ACO2: variants seen among roughly 807,000 people sequenced by gnomAD.
The protein encoded by ACO2 is aconitate hydratase, mitochondrial.
ACO2 carries 31 observed loss-of-function variants against 84.5 expected under a neutral mutation model. That is an observed-to-expected ratio of 0.37 (90% CI 0.28 to 0.50). The LOEUF (loss-of-function observed/expected upper bound fraction) is 0.50, where lower values mean the gene tolerates loss of function less well. ACO2 is among the 20% of genes least tolerant of loss of function. The probability of loss-of-function intolerance (pLI) is 0.97; values close to 1 mark genes in which losing one functional copy is unlikely to be tolerated. For synonymous variants in ACO2, 414 were observed against 412.7 expected (o/e 1.00, Z -0.04); for missense variants, 685 against 1,029.3 (o/e 0.67, Z 4.58).
chr22:41,486,185 T>TTAGTC (rs1168809200), intron 1 of ACO2, among the ~76,000 whole-genome samples: 1 of 152,192 alleles, frequency 6.6e-6, no homozygotes, highest in African/African-American at 2.4e-5. Flanking sequence ...CTGAGGCATA[T>TTAGTC]TAGTCTAGTG....
chr22:41,520,044 G>A (rs1346918353), intron 8 of ACO2, 127 bp from the exon 9 acceptor site: 64 of 752,542 alleles, frequency 8.5e-5, no homozygotes, highest in Non-Finnish European at 1.4e-4. Context: ...TCCCTGTGAT[G>A]AGGTTTCAGT....
At chr22:41,493,182 G>GCCCTTCTGAC in intron 1 of ACO2, among the ~76,000 whole-genome samples, 1 of 152,196 alleles carries the variant, frequency 6.6e-6, no homozygotes, top group East Asian at 1.9e-4. Context: ...TGAGGGTAGC[G>GCCCTTCTGAC]CCCTTCTGAC....
At chr22:41,520,055 C>A in intron 8 of ACO2, 116 bp from the exon 9 acceptor site, 1 of 845,302 alleles carries the variant, frequency 1.2e-6, no homozygotes, top group Non-Finnish European at 1.9e-6. Context: ...AGGTTTCAGT[C>A]AAGAGAAAGT....
At chr22:41,499,599 A>C (rs2066339088) in intron 1 of ACO2, 127 bp from the exon 2 acceptor site, 1 of 1,007,548 alleles carries the variant, frequency 9.9e-7, no homozygotes, top group East Asian at 2.6e-5. Context: ...GAGGAAGCTG[A>C]GGCTGCAGTT....
At chr22:41,521,035 CA>C (rs375633363) in intron 9 of ACO2, among the ~76,000 whole-genome samples, 206 of 81,606 alleles carry the variant, frequency 2.5e-3, no homozygotes, top group African/African-American at 0.01. Flanking sequence ...AGCCTGCCTC[CA>C]AAAAAAAAAA....
intron 1 of ACO2, among the ~76,000 whole-genome samples, chr22:41,492,080 A>G (rs1433530532): frequency 6.6e-6 from 1 of 152,226 alleles, no homozygotes; most frequent in Non-Finnish European, 1.5e-5. Context: ...CCTGATCTCC[A>G]GTTTCCACAT....
chr22:41,495,549 G>A (rs2066306637), intron 1 of ACO2, among the ~76,000 whole-genome samples: 1 of 152,238 alleles, frequency 6.6e-6, no homozygotes, highest in South Asian at 2.1e-4. Context: ...GCCTTTTCCC[G>A]GTACTATAGA....
At position 41,523,291 on chromosome 22, in the gene ACO2, T is replaced by C. The variant is rs1276793794; in HGVS notation, c.1370+13T>C. On this transcript the variant is annotated intron_variant, in intron 11 of 17. Transcript: ENST00000216254. ...GCCAGTGGGACAGGTAAGAGGCGTATCTTTTGACAAGACAGCCCCTTGTGC... is the reference window on the plus strand; with the variant it reads ...GCCAGTGGGACAGGTAAGAGGCGTACCTTTTGACAAGACAGCCCCTTGTGC... The C allele has an allele frequency of 5.6e-6, 9 of 1,596,206 alleles. No individual in the cohort carries two copies. Among genetic ancestry groups the C allele is most frequent in the Non-Finnish European group, 7.7e-6 (9 of 1,169,998 alleles).
At chr22:41,474,846 GC>G (rs1402156657) in intron 1 of ACO2, among the ~76,000 whole-genome samples, 2 of 151,876 alleles carry the variant, frequency 1.3e-5, no homozygotes, top group African/African-American at 4.8e-5. Context: ...TGATCTGCCT[GC>G]CTCGGCCTCC....
At position 41,469,156 on chromosome 22, in the gene ACO2, T is replaced by C. The variant is rs780279029; in HGVS notation, c.10T>C (p.Tyr4His). 1 of 1,609,702 alleles carries C rather than the reference T, an allele frequency of 6.2e-7. No homozygotes were observed. The highest frequency in any genetic ancestry group is 1.1e-5 in the South Asian group (1 of 90,608). Residue 4 changes from tyrosine (Y) to histidine (H), a missense_variant, in exon 1 of 18, where the codon TAC (tyrosine) becomes CAC (histidine). By Grantham distance (83) the Tyr-to-His change is moderately conservative. Around this residue, in one of 5 missense-constraint regions of ACO2, gnomAD observed 98 missense variants for 107.6 expected, o/e 0.91. Coordinates refer to ENST00000216254, the MANE Select transcript of ACO2 (RefSeq NM_001098.3). Reference sequence around the variant, plus strand: ...TTTGTCAGTGCACAAAATGGCGCCCTACAGCCTACTGGTGACTCGGCTGCA... The same window carrying C: ...TTTGTCAGTGCACAAAATGGCGCCCCACAGCCTACTGGTGACTCGGCTGCA... Reference protein sequence around the residue: MAPYSLLVTRLQKA... With the variant: MAPHSLLVTRLQKA...
intron 1 of ACO2, among the ~76,000 whole-genome samples, chr22:41,489,649 G>A (rs2066257513): frequency 6.6e-6 from 1 of 151,656 alleles, no homozygotes; most frequent in Admixed American, 6.6e-5. Flanking sequence ...TCCAAAGCTT[G>A]CTTAGATGCA....
At chr22:41,470,758 G>T (rs2146071928) in intron 1 of ACO2, among the ~76,000 whole-genome samples, 1 of 152,094 alleles carries the variant, frequency 6.6e-6, no homozygotes, top group South Asian at 2.1e-4. Context: ...GACCAGGCTG[G>T]TCACAAACTC....
intron 1 of ACO2, among the ~76,000 whole-genome samples, chr22:41,478,418 A>C (rs2038045816): frequency 6.6e-6 from 1 of 152,198 alleles, no homozygotes; most frequent in Non-Finnish European, 1.5e-5. Context: ...TATTGAGATT[A>C]CAGGCGTGAG....
intron 12 of ACO2, 46 bp from the exon 13 acceptor site, chr22:41,524,800 G>T (rs371651724): frequency 4.7e-4 from 754 of 1,613,682 alleles, no homozygotes; most frequent in Admixed American, 2.0e-3. Context: ...CAGGAGACAG[G>T]AGTGGCAATT....
chr22:41,470,418 A>G (rs139080961), intron 1 of ACO2, among the ~76,000 whole-genome samples: 45 of 152,278 alleles, frequency 3.0e-4, no homozygotes, highest in Non-Finnish European at 5.1e-4. Flanking sequence ...ACATTGCTTA[A>G]ATTGAAACCA....
intron 3 of ACO2, among the ~76,000 whole-genome samples, chr22:41,510,106 G>A (rs1042895527): frequency 3.7e-4 from 57 of 152,156 alleles, no homozygotes; most frequent in African/African-American, 1.3e-3. Context: ...AAAGTGCTGG[G>A]ATTATAGGTG....
chr22:41,513,313 G>C (rs1161597160), intron 4 of ACO2, among the ~76,000 whole-genome samples: 2 of 152,236 alleles, frequency 1.3e-5, no homozygotes, highest in Middle Eastern at 3.2e-3. Flanking sequence ...CCGGCTAGCT[G>C]CTAAGCATAC....
At chr22:41,525,967 G>A (rs2066585632) in intron 14 of ACO2, 1 of 330,148 alleles carries the variant, frequency 3.0e-6, no homozygotes, top group African/African-American at 2.1e-5. Context: ...TGATCTTGCA[G>A]CTGAGGCCTG....
Position 41,526,450 on chromosome 22 carries a change from C to A in ACO2, c.1950C>A (p.Tyr650Ter), listed in dbSNP as rs780679330. 6.2e-7 allele frequency: 1 copy of A among 1,610,840 alleles called. No homozygotes were observed. Among genetic ancestry groups the A allele is most frequent in the Admixed American group, 1.7e-5 (1 of 59,910 alleles). ...FGPVPDTARY[Y>*]KKHGIRWVVI... ...CCGTCCCTGACACTGCCCGCTACTA[C>A]AAGGTGGGTCAGAGTTGATAGGGGC... Residue 650 changes from tyrosine (Y) to a stop codon, truncating the protein, a stop_gained, in exon 15 of 18, where the codon TAC (tyrosine) becomes TAA (stop). Transcript: ENST00000216254. LOFTEE classifies it high-confidence loss of function.
Sources: gnomAD v4.1 joint callset for allele counts (sites outside exome capture counted in the v4.1 genomes callset) on GRCh38, gnomAD v4.1.1 for gene constraint, gnomAD v4.1.1 regional missense constraint, MANE v1.5 for transcripts, NCBI Gene and HGNC (gene_info 2026-07-23, HGNC 2026-07-21) for gene names.